Variants in MYO1D observed in about 807,000 individuals in gnomAD.
The protein encoded by MYO1D is unconventional myosin-Id.
In MYO1D, 83 loss-of-function variants were observed where a neutral mutation model predicts 122.0. The ratio of observed to expected loss-of-function variants is 0.68; its 90% CI spans 0.57 to 0.82. The LOEUF (loss-of-function observed/expected upper bound fraction) is 0.82. Among genes scored for constraint, MYO1D ranks in the 40% least tolerant of loss-of-function variants. MYO1D has a pLI of 0.00. For missense variants in MYO1D, 1,157 were observed against 1,269.5 expected, an observed-to-expected ratio of 0.91 and a Z score of 1.35; for synonymous variants, 464 against 446.9, an observed-to-expected ratio of 1.04 and a Z score of -0.48.
At chr17:32,844,024 T>C (rs574821486) in intron 1 of MYO1D, among the ~76,000 whole-genome samples, 67 of 151,216 alleles carry the variant, frequency 4.4e-4, no homozygotes, top group Non-Finnish European at 2.5e-4. Flanking sequence ...CACATATATA[T>C]ACACATACAT....
At chr17:32,854,985 T>C (rs2091016169) in intron 1 of MYO1D, among the ~76,000 whole-genome samples, 1 of 152,192 alleles carries the variant, frequency 6.6e-6, no homozygotes, top group African/African-American at 2.4e-5. Flanking sequence ...CATCCCATAT[T>C]TGGCAGTTAC....
chr17:32,538,450 AATTATT>A (rs201527629), intron 21 of MYO1D, among the ~76,000 whole-genome samples: 2 of 147,366 alleles, frequency 1.4e-5, no homozygotes, highest in Admixed American at 6.8e-5. Context: ...GCACCTGGAT[AATTATT>A]ATTATTATTA....
intron 21 of MYO1D, among the ~76,000 whole-genome samples, chr17:32,511,605 C>T (rs927198575): frequency 1.4e-5 from 2 of 143,640 alleles, no homozygotes; most frequent in East Asian, 4.0e-4. Flanking sequence ...CTGTATTGAA[C>T]TTTTTTTTTT....
chr17:32,667,625 C>G (rs529739928), intron 16 of MYO1D, among the ~76,000 whole-genome samples: 2 of 152,152 alleles, frequency 1.3e-5, no homozygotes, highest in African/African-American at 2.4e-5. Context: ...TACAAGCCGT[C>G]CTGATGAACT....
intron 16 of MYO1D, among the ~76,000 whole-genome samples, chr17:32,695,722 G>T (rs2089163465): frequency 1.3e-5 from 2 of 152,310 alleles, no homozygotes; most frequent in Non-Finnish European, 2.9e-5. Flanking sequence ...CTGCCAATGT[G>T]AATTGTTGAT....
At chr17:32,568,048 A>G (rs2087188983) in intron 21 of MYO1D, among the ~76,000 whole-genome samples, 1 of 151,888 alleles carries the variant, frequency 6.6e-6, no homozygotes, top group Non-Finnish European at 1.5e-5. Context: ...GCTTCCTAGA[A>G]AAAGGTCACG....
chr17:32,708,111 T>C (rs557593966), intron 16 of MYO1D, among the ~76,000 whole-genome samples: 5 of 152,176 alleles, frequency 3.3e-5, no homozygotes, highest in Non-Finnish European at 5.9e-5. Flanking sequence ...CAAAACAGGA[T>C]AGTCTTGAGG....
At chr17:32,624,812 C>CA in intron 20 of MYO1D, among the ~76,000 whole-genome samples, 1 of 147,016 alleles carries the variant, frequency 6.8e-6, no homozygotes, top group Middle Eastern at 3.5e-3. Flanking sequence ...TTCTTTGAGA[C>CA]AGAGTCTTGC....
chr17:32,734,915 CA>C (rs58190363), intron 14 of MYO1D: 4,050 of 137,454 alleles, frequency 0.029, 169 homozygotes, highest in African/African-American at 0.096. Flanking sequence ...ACTAAAAATA[CA>C]AAAAAAAAAA....
intron 1 of MYO1D, among the ~76,000 whole-genome samples, chr17:32,809,879 CT>C (rs1278300364): frequency 6.6e-6 from 1 of 152,222 alleles, no homozygotes; most frequent in Non-Finnish European, 1.5e-5. Context: ...AGCTAATAAT[CT>C]ATACAGTATT....
At chr17:32,544,226 G>A (rs1042680568) in intron 21 of MYO1D, among the ~76,000 whole-genome samples, 7 of 150,434 alleles carry the variant, frequency 4.7e-5, no homozygotes, top group Non-Finnish European at 7.4e-5. Flanking sequence ...CTCCCAAGTA[G>A]CTGAGACTAC....
At chr17:32,620,789 T>G (rs2087845413) in intron 20 of MYO1D, among the ~76,000 whole-genome samples, 1 of 152,198 alleles carries the variant, frequency 6.6e-6, no homozygotes, top group East Asian at 1.9e-4. Context: ...TGCAGTGGTT[T>G]CTGATGTAGG....
intron 14 of MYO1D, among the ~76,000 whole-genome samples, chr17:32,723,620 T>C (rs73280094): frequency 0.041 from 6,211 of 152,150 alleles, 420 homozygotes; most frequent in African/African-American, 0.14. Flanking sequence ...CTTCTGGAAG[T>C]CCATCCTCGA....
At chr17:32,619,681 C>T (rs2087829726) in intron 20 of MYO1D, among the ~76,000 whole-genome samples, 1 of 152,144 alleles carries the variant, frequency 6.6e-6, no homozygotes, top group South Asian at 2.1e-4. Flanking sequence ...TATTATTTTA[C>T]AAAGCTAATT....
At chr17:32,734,267 A>G (rs146379208) in intron 14 of MYO1D, among the ~76,000 whole-genome samples, 1 of 152,264 alleles carries the variant, frequency 6.6e-6, no homozygotes, top group African/African-American at 2.4e-5. Flanking sequence ...AAAACCATCT[A>G]CATTTTCAAA....
At chr17:32,522,956 A>C (rs982296055) in intron 21 of MYO1D, among the ~76,000 whole-genome samples, 5 of 152,032 alleles carry the variant, frequency 3.3e-5, no homozygotes, top group African/African-American at 1.2e-4. Context: ...AGCTGGGACT[A>C]CAGGTGCCTG....
chr17:32,733,020 C>T (rs2089658679), intron 14 of MYO1D, among the ~76,000 whole-genome samples: 1 of 152,238 alleles, frequency 6.6e-6, no homozygotes, highest in Admixed American at 6.5e-5. Flanking sequence ...GCACCTGGAG[C>T]TGCCCGCTCT....
intron 21 of MYO1D, among the ~76,000 whole-genome samples, chr17:32,532,378 G>A (rs1228291808): frequency 6.6e-6 from 1 of 152,278 alleles, no homozygotes; most frequent in Non-Finnish European, 1.5e-5. Context: ...TAGTGTCAAC[G>A]TCTCATGGTG....
chr17:32,565,502 C>A (rs139967697), intron 21 of MYO1D, among the ~76,000 whole-genome samples: 107 of 152,252 alleles, frequency 7.0e-4, no homozygotes, highest in African/African-American at 2.6e-3. Context: ...AGCCCTTAGC[C>A]CTCGATCATC....
Sources: gnomAD v4.1 joint callset for allele counts (sites outside exome capture counted in the v4.1 genomes callset) on GRCh38, gnomAD v4.1.1 for gene constraint, MANE v1.5 for transcripts, NCBI Gene and HGNC (gene_info 2026-07-23, HGNC 2026-07-21) for gene names.